Variants in GLI4 observed in about 807,000 individuals in gnomAD.
GLI4 encodes GLI family zinc finger 4.
GLI4 carries 34 observed loss-of-function variants against 30.9 expected under a neutral mutation model. The observed-to-expected ratio is 1.10, with a 90% CI of 0.84 to 1.47. GLI4 has a LOEUF of 1.47. GLI4 is among the 40% of genes most tolerant of loss of function. The pLI is 0.00. For missense variants in GLI4, 696 were observed against 538.9 expected (o/e 1.29, Z -2.89); for synonymous variants, 277 against 236.7 (o/e 1.17, Z -1.56).
rs1199053255 is a variant in GLI4, at chr8:143,269,383, A to T, written c.-14A>T. 1.9e-6 allele frequency: 3 copies of T among 1,610,362 alleles called. No individual in the cohort carries two copies. Among genetic ancestry groups the T allele is most frequent in the Non-Finnish European group, 2.5e-6 (3 of 1,178,184 alleles). On this transcript the variant is annotated 5_prime_UTR_variant, in exon 2 of 4. Transcript: ENST00000340042. ...AGGTCCCAGGTGTGACACCTTCAGC[A>T]GGTCTCAGGGAAGATGGCAGCCCTA...
chr8:143,275,120 T>G, intron 3 of GLI4: 1 of 1,535,684 alleles, frequency 6.5e-7, no homozygotes, highest in East Asian at 2.4e-5. Flanking sequence ...GGGCTGGGGC[T>G]TCTGGCTCAG....
chr8:143,272,386 G>T (rs1454521451), intron 2 of GLI4: 12 of 152,302 alleles, frequency 7.9e-5, no homozygotes. Flanking sequence ...ATACACAAAG[G>T]CCCTTCCAGC....
In GLI4 at chr8:143,276,267, C is replaced by T. The variant is rs766716505; in HGVS notation, c.594C>T (p.Leu198=). 3.1e-6 allele frequency: 5 copies of T among 1,612,212 alleles called. No individual in the cohort carries two copies. The highest frequency in any genetic ancestry group is 3.4e-6 in the Non-Finnish European group (4 of 1,179,612). ...CGKSFKYNSL[L]LKHQRIHTGE... ...AGAGTTTCAAGTATAACTCGCTGCT[C>T]CTGAAGCACCAGCGCATCCACACGG... The change falls in exon 4 of 4, where the codon CTC becomes CTT. Residue 198 remains leucine, a synonymous_variant. Transcript: ENST00000340042.
At position 143,276,094 on chromosome 8, in the gene GLI4, G is replaced by A. The variant is rs1815379006; in HGVS notation, c.421G>A (p.Gly141Ser). The A allele has an allele frequency of 2.1e-6, 3 of 1,415,634 alleles. No individual in the cohort carries two copies. Among genetic ancestry groups the A allele is most frequent in the Non-Finnish European group, 9.1e-7 (1 of 1,095,782 alleles). The allele number at this position is 1,415,634 out of a possible 1,614,324, so 87.7% of individuals were successfully genotyped here. ...PGAVPCAQPR[G>S]AWRVTLVQQA... ...GGCCGTCCCTTGCGCCCAGCCGCGG[G>A]GCGCCTGGCGCGTGACGCTCGTGCA... The change falls in exon 4 of 4, where the codon GGC becomes AGC. Residue 141 changes from glycine (G) to serine (S), a missense_variant. Gly to Ser is a moderately conservative substitution (Grantham distance 56, BLOSUM62 0). Transcript: ENST00000340042.
In GLI4 at chr8:143,276,113, T is replaced by C; in HGVS notation, c.440T>C (p.Leu147Pro). The C allele has an allele frequency of 6.7e-7, 1 of 1,496,138 alleles. No individual in the cohort carries two copies. Among genetic ancestry groups the C allele is most frequent in the Non-Finnish European group, 8.9e-7 (1 of 1,128,946 alleles). The allele number at this position is 1,496,138 out of a possible 1,614,324, so 92.7% of individuals were successfully genotyped here. ...AQPRGAWRVT[L>P]VQQAAAGPEG... is the part of the protein sequence containing the mutation. ...CCGCGGGGCGCCTGGCGCGTGACGCTCGTGCAGCAAGCAGCGGCCGGGCCC... is the reference window on the plus strand; with the variant it reads ...CCGCGGGGCGCCTGGCGCGTGACGCCCGTGCAGCAAGCAGCGGCCGGGCCC... Residue 147 changes from leucine (L) to proline (P), a missense_variant, in exon 4 of 4, where the codon CTC becomes CCC. Transcript: ENST00000340042.
chr8:143,276,213 C>G lies in GLI4; in HGVS notation c.540C>G (p.Ala180=), dbSNP rs1226558674. The change falls in exon 4 of 4, where the codon GCC becomes GCG. Residue 180 remains alanine, a synonymous_variant. Transcript: ENST00000340042. The part of the protein sequence containing the change: ...GRSRQGSARG[A]KPHRCEACGK... Reference sequence around the variant, plus strand: ...GCCGGCAGGGCAGCGCGCGGGGGGCCAAGCCGCACAGGTGCGAGGCCTGCG... The same window carrying G: ...GCCGGCAGGGCAGCGCGCGGGGGGCGAAGCCGCACAGGTGCGAGGCCTGCG... 1 of 1,584,378 alleles carries G rather than the reference C, an allele frequency of 6.3e-7. No homozygotes were observed. Among genetic ancestry groups the G allele is most frequent in the African/African-American group, 1.4e-5 (1 of 74,068 alleles).
chr8:143,275,100 C>CAG (rs1815355221), intron 3 of GLI4: 1 of 1,535,644 alleles, frequency 6.5e-7, no homozygotes, highest in South Asian at 1.2e-5. Flanking sequence ...CCCTCCCCTC[C>CAG]ACCTGCCTTG....
Position 143,276,051 on chromosome 8 carries a change from G to A in GLI4, c.378G>A (p.Pro126=), listed in dbSNP as rs1036644138. 6.3e-5 allele frequency: 86 copies of A among 1,363,764 alleles called. No individual in the cohort carries two copies. Among genetic ancestry groups the A allele is most frequent in the Non-Finnish European group, 7.9e-5 (84 of 1,064,144 alleles). The allele number at this position is 1,363,764 out of a possible 1,614,324, so 84.5% of individuals were successfully genotyped here. A position where few individuals can be genotyped will look rare whatever the true frequency, so the allele number is the denominator to read the frequency against. Residue 126 remains proline, a synonymous_variant, in exon 4 of 4, where the codon CCG becomes CCA. Transcript: ENST00000340042. ...GFGPESSAER[P]AGQPPGAVPC... ...GGCCTGAATCCAGCGCGGAGCGGCCGGCGGGCCAGCCGCCTGGGGCCGTCC... is the reference window on the plus strand; with the variant it reads ...GGCCTGAATCCAGCGCGGAGCGGCCAGCGGGCCAGCCGCCTGGGGCCGTCC...
At chr8:143,274,610 T>C in intron 2 of GLI4, 94 bp from the exon 3 acceptor site, 1 of 1,290,430 alleles carries the variant, frequency 7.7e-7, no homozygotes, top group Admixed American at 2.5e-5. Flanking sequence ...GTGTCCTGTG[T>C]CAGGGCCACA....
chr8:143,275,829 G>A lies in GLI4; in HGVS notation c.224-68G>A, dbSNP rs1401643075. On this transcript the variant is annotated intron_variant, in intron 3 of 3. Transcript: ENST00000340042. ...CCGTCCAGCTCTGCTCTCACTCCCC[G>A]TCCCCGTCCCTCCGTGCCACGGTGG... 2.4e-6 allele frequency: 3 copies of A among 1,250,062 alleles called. No individual in the cohort carries two copies. The African/African-American group carries it at 4.7e-5, about 19-fold the overall frequency. 77.4% of individuals were successfully genotyped at this position (1,250,062 alleles called of 1,614,324 possible).
chr8:143,270,143 G>A (rs775476091), intron 2 of GLI4, among the ~76,000 whole-genome samples: 49 of 152,380 alleles, frequency 3.2e-4, no homozygotes, highest in Non-Finnish European at 6.6e-4. Flanking sequence ...CCCAGCACAT[G>A]AGCTGCTGAC....
chr8:143,273,836 G>A (rs1815323185), intron 2 of GLI4, among the ~76,000 whole-genome samples: 1 of 148,628 alleles, frequency 6.7e-6, no homozygotes, highest in East Asian at 2.0e-4. Flanking sequence ...TGGGCAGAGG[G>A]CAGGTGAGGC....
chr8:143,275,168 G>GTCCCCTCCTCCTCCTGCA, intron 3 of GLI4: 3 of 1,535,764 alleles, frequency 2.0e-6, no homozygotes, highest in Non-Finnish European at 1.7e-6. Flanking sequence ...GTTATCCTGT[G>GTCCCCTCCTCCTCCTGCA]TCCCCTCCTC....
chr8:143,269,249 G>A, intron 1 of GLI4, 111 bp from the exon 2 acceptor site: 3 of 782,690 alleles, frequency 3.8e-6, no homozygotes, highest in Non-Finnish European at 6.3e-6. Flanking sequence ...TCCTCCTGGA[G>A]TGGATAAACC....
chr8:143,268,153 G>C, intron 1 of GLI4: 1 of 910,048 alleles, frequency 1.1e-6, no homozygotes, highest in Non-Finnish European at 1.3e-6. Context: ...CCTGCACCCA[G>C]TGGCCACCTA....
At position 143,274,794 on chromosome 8, in the gene GLI4, T is replaced by C; in HGVS notation, c.215T>C (p.Phe72Ser). The change falls in exon 3 of 4, where the codon TTC becomes TCC. Residue 72 changes from phenylalanine (F) to serine (S), a missense_variant. Coordinates refer to ENST00000340042, the MANE Select transcript of GLI4 (RefSeq NM_138465.4). The part of the protein sequence containing the change: ...VEEVEIGRDT[F>S]WPDSEPKPEQ... ...GAAGTGGAGATCGGCAGAGACACCT[T>C]CTGGCCCGGTGAGTGAGCAGAATCG... 1 of 1,560,786 alleles carries C rather than the reference T, an allele frequency of 6.4e-7. No individual in the cohort carries two copies. Among genetic ancestry groups the C allele is most frequent in the African/African-American group, 1.4e-5 (1 of 73,456 alleles).
At chr8:143,268,997 C>A (rs1355989692) in intron 1 of GLI4, among the ~76,000 whole-genome samples, 1 of 152,248 alleles carries the variant, frequency 6.6e-6, no homozygotes, top group Admixed American at 6.5e-5. Context: ...GTGCCCGCCA[C>A]TGCGCCCAGC....
intron 2 of GLI4, chr8:143,273,375 A>T (rs1425351828): frequency 6.6e-6 from 1 of 152,260 alleles, no homozygotes; most frequent in Non-Finnish European, 1.5e-5. Context: ...TCGGCTCTCG[A>T]GGAAGGGACG....
In GLI4 at chr8:143,267,454, C is replaced by G. The variant is rs1042599364; in HGVS notation, c.-68C>G. The G allele has an allele frequency of 6.5e-5, 64 of 985,210 alleles. No individual in the cohort carries two copies. The highest frequency in any genetic ancestry group is 7.1e-5 in the Non-Finnish European group (59 of 829,884). 61.0% of individuals were successfully genotyped at this position (985,210 alleles called of 1,614,324 possible). Reference sequence around the variant, plus strand: ...TGGGGCGGGGCCGGACACTTCCGTCCGGCGCGCGGCGTCCTCCTCCCGCTC... The same window carrying G: ...TGGGGCGGGGCCGGACACTTCCGTCGGGCGCGCGGCGTCCTCCTCCCGCTC... On this transcript the variant is annotated 5_prime_UTR_variant, in exon 1 of 4. Coordinates refer to ENST00000340042, the MANE Select transcript of GLI4 (RefSeq NM_138465.4).
Sources: allele counts gnomAD v4.1 joint callset (sites outside exome capture counted in the v4.1 genomes callset), GRCh38; gene constraint gnomAD v4.1.1; transcripts MANE v1.5; gene names NCBI Gene and HGNC (gene_info 2026-07-23, HGNC 2026-07-21).